The following MPDZ variants were observed in gnomAD, a reference collection of about 807,000 sequenced individuals.
MPDZ encodes the protein multiple PDZ domain crumbs cell polarity complex component.
A neutral mutation model predicts 239.1 loss-of-function variants in MPDZ; 234 were observed. The observed-to-expected ratio is 0.98, with a 90% CI of 0.88 to 1.09. The LOEUF (loss-of-function observed/expected upper bound fraction) is 1.09. Among genes scored for constraint, MPDZ ranks in the 50% least tolerant of loss-of-function variants. MPDZ has a pLI of 0.00. For synonymous variants in MPDZ, 1,048 were observed against 881.3 expected (o/e 1.19, Z -3.35); for missense variants, 3,175 against 2,510.0 (o/e 1.26, Z -5.66).
At chr9:13,186,465 A>G in intron 17 of MPDZ, 79 bp from the exon 18 acceptor site, 1 of 965,118 alleles carries the variant, frequency 1.0e-6, no homozygotes, top group South Asian at 1.4e-5. Flanking sequence ...GAGTAAAGGT[A>G]GGAAAAGTGA....
intron 1 of MPDZ, among the ~76,000 whole-genome samples, chr9:13,254,405 T>C (rs1343336260): frequency 1.2e-4 from 19 of 152,200 alleles, no homozygotes; most frequent in East Asian, 1.9e-4. Flanking sequence ...TTCAAAAACA[T>C]TGCTTTTACA....
chr9:13,140,223 A>T, intron 27 of MPDZ, 74 bp from the exon 28 acceptor site: 1 of 1,471,580 alleles, frequency 6.8e-7, no homozygotes, highest in South Asian at 1.4e-5. Flanking sequence ...AAATAAGAGT[A>T]TACTGTCAAA....
At chr9:13,238,236 A>C (rs1346861453) in intron 3 of MPDZ, among the ~76,000 whole-genome samples, 1 of 152,174 alleles carries the variant, frequency 6.6e-6, no homozygotes, top group Non-Finnish European at 1.5e-5. Context: ...CATGTTCAAA[A>C]TGGTGGCTAC....
At chr9:13,223,997 G>C (rs1293745643) in intron 4 of MPDZ, among the ~76,000 whole-genome samples, 1 of 151,898 alleles carries the variant, frequency 6.6e-6, no homozygotes, top group African/African-American at 2.4e-5. Context: ...TCACAACACT[G>C]CACTCCAGTG....
intron 24 of MPDZ, among the ~76,000 whole-genome samples, chr9:13,157,377 T>A (rs1949951031): frequency 1.3e-5 from 2 of 152,198 alleles, no homozygotes; most frequent in Non-Finnish European, 2.9e-5. Context: ...CATCTTCTAT[T>A]TATTTCCTTG....
intron 12 of MPDZ, among the ~76,000 whole-genome samples, chr9:13,200,827 T>C (rs1392256076): frequency 6.6e-6 from 1 of 152,104 alleles, no homozygotes; most frequent in South Asian, 2.1e-4. Context: ...TTTTGTGACC[T>C]AATATATGGT....
At chr9:13,149,402 T>C (rs1948859194) in intron 25 of MPDZ, among the ~76,000 whole-genome samples, 1 of 152,076 alleles carries the variant, frequency 6.6e-6, no homozygotes, top group Non-Finnish European at 1.5e-5. Flanking sequence ...TTGTATAAAG[T>C]AAATATAATG....
Position 13,175,883 on chromosome 9 carries a change from A to G in MPDZ, c.2932-8T>C. On this transcript the variant is annotated splice_region_variant and splice_polypyrimidine_tract_variant and intron_variant, in intron 20 of 46. Transcript: ENST00000319217. ...AAGCAGGTACTCAGAGCCCTTTAAG[A>G]AAGAAAAAGAAGTCACAAGTCACAT... The G allele has an allele frequency of 2.5e-6, 4 of 1,580,748 alleles. No homozygotes were observed. The highest frequency in any genetic ancestry group is 3.4e-6 in the Non-Finnish European group (4 of 1,165,598).
In MPDZ at chr9:13,266,787, T is replaced by C. The variant is rs528810822; in HGVS notation, c.-58+12613A>G. On this transcript the variant is annotated intron_variant, in intron 1 of 46. Coordinates refer to ENST00000319217, the MANE Select transcript of MPDZ (RefSeq NM_001378778.1). ...GAAATGTCAATAACTATCTGAATAG[T>C]TTCATGCAAAAGTAATCTCATTCAG... Among the ~76,000 whole-genome samples the C allele has an allele frequency of 2.0e-5, 3 of 152,234 alleles. No homozygotes were observed. In the South Asian group the frequency reaches 6.2e-4, roughly 32 times the overall value.
At chr9:13,261,570 C>T (rs1970698968) in intron 1 of MPDZ, among the ~76,000 whole-genome samples, 1 of 151,984 alleles carries the variant, frequency 6.6e-6, no homozygotes, top group Non-Finnish European at 1.5e-5. Flanking sequence ...TTAGTAGGAC[C>T]ACTAAATAAT....
intron 14 of MPDZ, 67 bp downstream of exon 14, chr9:13,193,100 C>T (rs1955169890): frequency 7.4e-7 from 1 of 1,351,692 alleles, no homozygotes; most frequent in Non-Finnish European, 9.7e-7. Flanking sequence ...TTATTCACCA[C>T]ATTAAGCCTC....
At chr9:13,143,963 T>C (rs1268024791) in intron 26 of MPDZ, among the ~76,000 whole-genome samples, 1 of 151,964 alleles carries the variant, frequency 6.6e-6, no homozygotes, top group Non-Finnish European at 1.5e-5. Context: ...TAAAAGCTAA[T>C]TTTTTTTAAA....
rs767275187 is a variant in MPDZ at position 13,110,072 on chromosome 9, C to A, written c.5830-8G>T. ...GTCTCCTCCAGCAACCACCTGCGCA[C>A]AGGAGGAGGATAAACAGAAAAAACA... On this transcript the variant is annotated splice_polypyrimidine_tract_variant and splice_region_variant and intron_variant, in intron 44 of 46. Coordinates refer to ENST00000319217, the MANE Select transcript of MPDZ (RefSeq NM_001378778.1). 6.8e-6 allele frequency: 11 copies of A among 1,607,138 alleles called. No individual in the cohort carries two copies. Among genetic ancestry groups the A allele is most frequent in the African/African-American group, 1.3e-5 (1 of 74,760 alleles).
intron 28 of MPDZ, among the ~76,000 whole-genome samples, chr9:13,139,434 T>G (rs1366136871): frequency 1.3e-5 from 2 of 152,182 alleles, no homozygotes; most frequent in Non-Finnish European, 2.9e-5. Context: ...TGCTTAGCAC[T>G]CTTGGCACTA....
chr9:13,162,932 T>C (rs1234748484), intron 22 of MPDZ, 137 bp from the exon 23 acceptor site: 1 of 570,080 alleles, frequency 1.8e-6, no homozygotes, highest in Non-Finnish European at 3.1e-6. Context: ...TTAATCAGTA[T>C]ATTCAGCAGA....
chr9:13,111,964 G>A, intron 43 of MPDZ, 60 bp downstream of exon 43: 1 of 1,577,302 alleles, frequency 6.3e-7, no homozygotes, highest in Non-Finnish European at 8.6e-7. Context: ...AGGTTCAAAG[G>A]TTTATAAAAA....
chr9:13,111,236 G>C (rs1352301495), intron 43 of MPDZ, among the ~76,000 whole-genome samples: 2 of 152,192 alleles, frequency 1.3e-5, no homozygotes, highest in Non-Finnish European at 2.9e-5. Context: ...TTGAGTAGTT[G>C]CAACAGAGAC....
intron 1 of MPDZ, among the ~76,000 whole-genome samples, chr9:13,278,338 T>C (rs1974719684): frequency 6.6e-6 from 1 of 151,950 alleles, no homozygotes; most frequent in Admixed American, 6.6e-5. Flanking sequence ...GCGGAGCACC[T>C]CAAAAGCCGC....
chr9:13,110,599 C>T, intron 44 of MPDZ, 37 bp downstream of exon 44: 2 of 1,454,488 alleles, frequency 1.4e-6, no homozygotes, highest in Non-Finnish European at 1.9e-6. Context: ...CTTCAGGCTA[C>T]CTATATTCTG....
Sources: allele counts gnomAD v4.1 joint callset (sites outside exome capture counted in the v4.1 genomes callset), GRCh38; gene constraint gnomAD v4.1.1; transcripts MANE v1.5; gene names NCBI Gene and HGNC (gene_info 2026-07-23, HGNC 2026-07-21).